Variants in BTF3 observed in about 807,000 individuals in gnomAD.
BTF3 encodes basic transcription factor 3.
Under a neutral mutation model 23.9 loss-of-function variants are expected in BTF3, and 12 were observed. That is an observed-to-expected ratio of 0.50 (90% CI 0.32 to 0.81). The LOEUF (loss-of-function observed/expected upper bound fraction) is 0.81, where lower values mean the gene tolerates loss of function less well. BTF3 is among the 40% of genes least tolerant of loss of function. BTF3 has a pLI of 0.03. For synonymous variants in BTF3, 96 were observed against 94.8 expected (o/e 1.01, Z -0.07); for missense variants, 215 against 255.9 (o/e 0.84, Z 1.09).
At chr5:73,500,486 T>C (rs897657429) in intron 2 of BTF3, among the ~76,000 whole-genome samples, 1 of 152,228 alleles carries the variant, frequency 6.6e-6, no homozygotes, top group African/African-American at 2.4e-5. Flanking sequence ...TTTGCTAGGA[T>C]ATTTAAAGCT....
chr5:73,504,034 T>C (rs949901711), intron 4 of BTF3, among the ~76,000 whole-genome samples: 2 of 152,200 alleles, frequency 1.3e-5, no homozygotes, highest in African/African-American at 4.8e-5. Context: ...ATTTGGTATG[T>C]GGGTTTTACC....
At chr5:73,501,734 A>AG (rs1746440438) in intron 2 of BTF3, among the ~76,000 whole-genome samples, 1 of 152,188 alleles carries the variant, frequency 6.6e-6, no homozygotes, top group African/African-American at 2.4e-5. Context: ...CAGTTTGTGT[A>AG]GGGCTCTTGT....
At chr5:73,502,364 A>G in intron 2 of BTF3, 124 bp from the exon 3 acceptor site, 4 of 638,926 alleles carry the variant, frequency 6.3e-6, no homozygotes, top group Non-Finnish European at 1.0e-5. Context: ...GCATAAGTTT[A>G]TGATTATGGT....
chr5:73,501,386 C>G (rs2703635), intron 2 of BTF3, among the ~76,000 whole-genome samples: 2 of 152,076 alleles, frequency 1.3e-5, no homozygotes, highest in African/African-American at 4.8e-5. Flanking sequence ...AGCTTACATT[C>G]TAGGGAGAGG....
Position 73,499,299 on chromosome 5 carries a change from A to C in BTF3, c.201+97A>C, listed in dbSNP as rs777735194. The C allele has an allele frequency of 3.7e-6, 5 of 1,336,326 alleles. No individual in the cohort carries two copies. The African/African-American group carries it at 5.9e-5, about 16-fold the overall frequency. 82.8% of individuals were successfully genotyped at this position (1,336,326 alleles called of 1,614,324 possible). A position where few individuals can be genotyped will look rare whatever the true frequency, so the allele number is the denominator to read the frequency against. On this transcript the variant is annotated intron_variant, in intron 2 of 5. Transcript: ENST00000380591. ...TGCGCTTCTTATATTATCGGTGACA[A>C]ACTTTGCCTATCGAGGGAAATTCAC...
chr5:73,505,087 A>G (rs1424351093), intron 5 of BTF3, 105 bp from the exon 6 acceptor site: 4 of 886,536 alleles, frequency 4.5e-6, no homozygotes, highest in Non-Finnish European at 7.0e-6. Context: ...CACAGTATTT[A>G]TCATCATTGG....
intron 5 of BTF3, 137 bp downstream of exon 5, chr5:73,504,540 T>G (rs529333109): frequency 7.8e-5 from 47 of 602,592 alleles, no homozygotes; most frequent in Non-Finnish European, 1.2e-4. Flanking sequence ...AGAAAAATAA[T>G]GCAGTATTAG....
Position 73,498,659 on chromosome 5 carries a change from A to C in BTF3, c.-9A>C, listed in dbSNP as rs1186946895. ...AGGGAGGGACAGGGCAGAGGAGGAG[A>C]GGAAGGCGATGCGACGGACAGGCGC... On this transcript the variant is annotated 5_prime_UTR_variant, in exon 1 of 6. Transcript: ENST00000380591. 6.7e-7 allele frequency: 1 copy of C among 1,500,846 alleles called. No individual in the cohort carries two copies. The highest frequency in any genetic ancestry group is 1.5e-5 in the African/African-American group (1 of 68,512). The allele number at this position is 1,500,846 out of a possible 1,614,324, so 93.0% of individuals were successfully genotyped here. A position where few individuals can be genotyped will look rare whatever the true frequency, so the allele number is the denominator to read the frequency against.
chr5:73,501,271 G>T (rs1436880846), intron 2 of BTF3, among the ~76,000 whole-genome samples: 2 of 152,142 alleles, frequency 1.3e-5, no homozygotes, highest in African/African-American at 4.8e-5. Flanking sequence ...GGAGGTTGGG[G>T]GACGGTGAGG....
chr5:73,502,884 A>C lies in BTF3; in HGVS notation c.316-32A>C, dbSNP rs116176540. On this transcript the variant is annotated intron_variant, in intron 3 of 5. Coordinates refer to ENST00000380591, the MANE Select transcript of BTF3 (RefSeq NM_001037637.2). Reference sequence around the variant, plus strand: ...TTTGTTTTTAAAGAGACTGGTCAGCATTGCTAATTTAAATTTTTCTTTTCT... The same window carrying C: ...TTTGTTTTTAAAGAGACTGGTCAGCCTTGCTAATTTAAATTTTTCTTTTCT... 8,688 of 1,591,050 alleles carry C rather than the reference A, an allele frequency of 5.5e-3. 42 individuals carry two copies. The highest frequency in any genetic ancestry group is 7.1e-3 in the Non-Finnish European group (8,220 of 1,163,156).
At chr5:73,501,309 G>A (rs933326040) in intron 2 of BTF3, among the ~76,000 whole-genome samples, 1 of 152,176 alleles carries the variant, frequency 6.6e-6, no homozygotes, top group Non-Finnish European at 1.5e-5. Context: ...CTTTCCTTGA[G>A]TGCCTTCAGT....
At chr5:73,498,889 A>G (rs1211910412) in intron 1 of BTF3, 90 bp downstream of exon 1, 9 of 1,458,142 alleles carry the variant, frequency 6.2e-6, no homozygotes, top group Non-Finnish European at 8.1e-6. Flanking sequence ...GGTGCTGGCC[A>G]GGCGTGGGGT....
intron 2 of BTF3, among the ~76,000 whole-genome samples, chr5:73,502,169 A>C (rs1214832343): frequency 1.3e-5 from 2 of 151,976 alleles, no homozygotes; most frequent in East Asian, 1.9e-4. Context: ...AAAAAAAAAA[A>C]AAAAAAAAAA....
chr5:73,504,144 TC>T (rs1172208712), intron 4 of BTF3, among the ~76,000 whole-genome samples: 1 of 152,092 alleles, frequency 6.6e-6, no homozygotes, highest in African/African-American at 2.4e-5. Flanking sequence ...TGTTGGCTGT[TC>T]CTAGTATTTT....
intron 2 of BTF3, among the ~76,000 whole-genome samples, chr5:73,502,037 G>A (rs1746447877): frequency 6.6e-6 from 1 of 151,708 alleles, no homozygotes; most frequent in Non-Finnish European, 1.5e-5. Context: ...GCATGGTGGT[G>A]CCTGTAATCC....
Position 73,504,353 on chromosome 5 carries a change from A to T in BTF3, c.524A>T (p.Asp175Val), listed in dbSNP as rs1311504384. 1 of 1,483,204 alleles carries T rather than the reference A, an allele frequency of 6.7e-7. No homozygotes were observed. The highest frequency in any genetic ancestry group is 1.6e-5 in the African/African-American group (1 of 63,732). The allele number at this position is 1,483,204 out of a possible 1,614,324, so 91.9% of individuals were successfully genotyped here. ...LAEALPKQSV[D>V]GKAPLATGED... The stretch of plus-strand genomic sequence containing the variant: ...TTACATTTTCCTTTCATAGCTGTGG[A>T]TGGAAAAGCACCACTTGCTACTGGA... The change falls in exon 5 of 6, where the codon GAT (aspartate) becomes GTT (valine). Residue 175 changes from aspartate to valine, a missense_variant. Asp to Val is a radical substitution (Grantham distance 152). Coordinates refer to ENST00000380591, the MANE Select transcript of BTF3 (RefSeq NM_001037637.2).
rs987402658 is a variant in BTF3, at chr5:73,498,455, A to G, written c.-213A>G. ...CACTTCCGGCCTCCCTTTAGCTGCC[A>G]TCTTGCGTCCCCGCGTGTGTGCGCC... is the stretch of plus-strand genomic sequence containing the variant. On this transcript the variant is annotated 5_prime_UTR_variant, in exon 1 of 6. Coordinates refer to ENST00000380591, the MANE Select transcript of BTF3 (RefSeq NM_001037637.2). 7.0e-6 allele frequency: 4 copies of G among 571,084 alleles called. No individual in the cohort carries two copies. Among genetic ancestry groups the G allele is most frequent in the Non-Finnish European group, 8.3e-6 (3 of 361,774 alleles). The allele number at this position is 571,084 out of a possible 1,614,324, so 35.4% of individuals were successfully genotyped here.
intron 5 of BTF3, 71 bp downstream of exon 5, chr5:73,504,474 A>C (rs1164281901): frequency 7.7e-7 from 1 of 1,301,320 alleles, no homozygotes; most frequent in Non-Finnish European, 1.1e-6. Flanking sequence ...TGTAGGAAAA[A>C]CTACCCAGGG....
intron 5 of BTF3, chr5:73,504,613 T>G (rs1036581207): frequency 7.2e-6 from 3 of 416,142 alleles, no homozygotes; most frequent in Non-Finnish European, 1.3e-5. Context: ...CCCAAGGATG[T>G]GTAGGTATCT....
Sources: gnomAD v4.1 joint callset for allele counts (sites outside exome capture counted in the v4.1 genomes callset) on GRCh38, gnomAD v4.1.1 for gene constraint, MANE v1.5 for transcripts, NCBI Gene and HGNC (gene_info 2026-07-23, HGNC 2026-07-21) for gene names.